Variants in TMC6 observed in about 807,000 individuals in gnomAD.
The protein encoded by TMC6 is transmembrane channel-like protein 6.
Under a neutral mutation model 95.4 loss-of-function variants are expected in TMC6, and 71 were observed. The ratio of observed to expected loss-of-function variants is 0.74; its 90% CI spans 0.61 to 0.91. The LOEUF is 0.91. Ranked by LOEUF, TMC6 falls within the 40% of genes least tolerant of loss-of-function variation. The pLI is 0.00. For synonymous variants in TMC6, 514 were observed against 483.1 expected (o/e 1.06, Z -0.84); for missense variants, 1,074 against 1,079.1 (o/e 1.00, Z 0.07).
At chr17:78,126,028 A>T in intron 4 of TMC6, 144 bp from the exon 5 acceptor site, 1 of 1,265,612 alleles carries the variant, frequency 7.9e-7, no homozygotes, top group Non-Finnish European at 1.1e-6. Context: ...GCACCACTGC[A>T]TTCCGAAAGC....
Position 78,122,820 on chromosome 17 carries a change from C to A in TMC6, c.1083-71G>T. 1 of 1,561,868 alleles carries A rather than the reference C, an allele frequency of 6.4e-7. No individual in the cohort carries two copies. The highest frequency in any genetic ancestry group is 8.6e-7 in the Non-Finnish European group (1 of 1,160,298). On this transcript the variant is annotated intron_variant, in intron 9 of 19. Transcript: ENST00000590602. This position sits in a 1 kb window ranked among gnomAD's most constrained non-coding sequence, Gnocchi z 4.9. Reference sequence around the variant, plus strand: ...CAGAGGCCAAGGGGAGAAGGCAGACCGGATGCTCTGGGCAGCCAGACCCCA... The same window carrying A: ...CAGAGGCCAAGGGGAGAAGGCAGACAGGATGCTCTGGGCAGCCAGACCCCA...
At position 78,125,770 on chromosome 17, in the gene TMC6, CGGA is replaced by C; in HGVS notation, c.383_385del (p.Leu128del). The stretch of plus-strand genomic sequence containing the variant: ...GGGGTCCAGCTCCAGGTCGTACAGG[CGGA>C]GGCTGGGCCAGGCGGAGCGGACAAA... On this transcript the variant is annotated inframe_deletion, in exon 5 of 20. Transcript: ENST00000590602. The C allele has an allele frequency of 6.4e-7, 1 of 1,567,406 alleles. No homozygotes were observed. Among genetic ancestry groups the C allele is most frequent in the East Asian group, 2.4e-5 (1 of 41,872 alleles).
At chr17:78,115,072 T>C (rs1408929931) in intron 18 of TMC6, among the ~76,000 whole-genome samples, 2 of 152,246 alleles carry the variant, frequency 1.3e-5, no homozygotes, top group African/African-American at 2.4e-5. Flanking sequence ...GCAGCCGAGA[T>C]GCCAGGCTTT....
chr17:78,131,417 C>G, upstream of TMC6: 1 of 893,674 alleles, frequency 1.1e-6, no homozygotes, highest in South Asian at 1.5e-5. Flanking sequence ...CAAGTGAACC[C>G]TAGGGCTGCA....
chr17:78,113,140 C>T lies in TMC6; in HGVS notation c.*8G>A. 1.3e-6 allele frequency: 2 copies of T among 1,552,664 alleles called. No individual in the cohort carries two copies. Among genetic ancestry groups the T allele is most frequent in the Non-Finnish European group, 8.7e-7 (1 of 1,147,710 alleles). On this transcript the variant is annotated 3_prime_UTR_variant, in exon 20 of 20. Coordinates refer to ENST00000590602, the MANE Select transcript of TMC6 (RefSeq NM_001127198.5). ...CTGGGCGGGCCCGTGAGGCCCATCG[C>T]CGTCCCCCTAGGCATCCTGTTCATC...
At position 78,112,684 on chromosome 17, in the gene TMC6, G is replaced by A. The variant is rs1055296810; in HGVS notation, c.*464C>T. 2 of 208,942 alleles carry A rather than the reference G, an allele frequency of 9.6e-6. No homozygotes were observed. Among genetic ancestry groups the A allele is most frequent in the Non-Finnish European group, 2.0e-5 (2 of 102,250 alleles). 12.9% of individuals were successfully genotyped at this position (208,942 alleles called of 1,614,324 possible). ...CTCTGGTCACAATCCGTGCCTGCTC[G>A]GCTCACTTGTGCAGGTGTAAGCCCC... On this transcript the variant is annotated 3_prime_UTR_variant, in exon 20 of 20. Coordinates refer to ENST00000590602, the MANE Select transcript of TMC6 (RefSeq NM_001127198.5).
In TMC6 at chr17:78,124,792, A is replaced by G; in HGVS notation, c.634-11T>C. 6.3e-7 allele frequency: 1 copy of G among 1,579,190 alleles called. No individual in the cohort carries two copies. The highest frequency in any genetic ancestry group is 2.3e-5 in the East Asian group (1 of 42,932). Reference sequence around the variant, plus strand: ...CAGGCTGTGCAAGGCCTGCGGGCACAGGCAGAGAGGCCCTGAGGGTGAGGC... The same window carrying G: ...CAGGCTGTGCAAGGCCTGCGGGCACGGGCAGAGAGGCCCTGAGGGTGAGGC... On this transcript the variant is annotated splice_polypyrimidine_tract_variant and intron_variant, in intron 7 of 19. Transcript: ENST00000590602.
At position 78,110,316 on chromosome 17, in the gene TMC6, C is replaced by G. The variant is rs2073800640; in HGVS notation, c.*2832G>C. The G allele has an allele frequency of 6.6e-6, 1 of 152,176 alleles. No homozygotes were observed. The allele number at this position is 152,176 out of a possible 1,614,324, so 9.4% of individuals were successfully genotyped here. On this transcript the variant is annotated 3_prime_UTR_variant, in exon 20 of 20. Transcript: ENST00000590602. Reference sequence around the variant, plus strand: ...TTGAGGTCAGGAGATCTTGACCAGCCTGACCATCATGGTGAAACCCCATCT... The same window carrying G: ...TTGAGGTCAGGAGATCTTGACCAGCGTGACCATCATGGTGAAACCCCATCT...
intron 18 of TMC6, among the ~76,000 whole-genome samples, chr17:78,115,389 C>G (rs1048202737): frequency 2.0e-5 from 3 of 152,176 alleles, no homozygotes; most frequent in Admixed American, 2.0e-4. Context: ...GAGTGAAAAC[C>G]TGCAGGAGGA....
At chr17:78,127,147 G>T in intron 1 of TMC6, 1 of 534,614 alleles carries the variant, frequency 1.9e-6, no homozygotes, top group Non-Finnish European at 3.4e-6. Context: ...GGGGTCTGCA[G>T]TTCCACATCT....
upstream of TMC6, among the ~76,000 whole-genome samples, chr17:78,129,215 C>T (rs1264521106): frequency 1.3e-5 from 2 of 151,688 alleles, no homozygotes; most frequent in South Asian, 2.1e-4. The surrounding 1 kb of genome is among the most constrained non-coding windows in gnomAD (Gnocchi z 4.3). Flanking sequence ...GGGCGGGGTT[C>T]ATTGTTTATC....
Position 78,117,523 on chromosome 17 carries a change from G to T in TMC6, c.2143C>A (p.His715Asn). ...AAGGTGTTTTCCATCAGGTACCGGT[G>T]CACCCAGGGCAGCCAGGAGACCCTG... Reference protein sequence around the residue: ...GPRVSWLPWVHRYLMENTFFV... With the variant: ...GPRVSWLPWVNRYLMENTFFV... Residue 715 changes from histidine (H) to asparagine (N), a missense_variant, in exon 17 of 20, where the codon CAC (histidine) becomes AAC (asparagine). By Grantham distance (68) the His-to-Asn change is moderately conservative (BLOSUM62 1). Transcript: ENST00000590602. 1 of 1,604,956 alleles carries T rather than the reference G, an allele frequency of 6.2e-7. No individual in the cohort carries two copies. Among genetic ancestry groups the T allele is most frequent in the Non-Finnish European group, 8.5e-7 (1 of 1,177,174 alleles).
rs1018107973 is a variant in TMC6, at chr17:78,113,000, C to G, written c.*148G>C. ...ATTGGGGATGCCCAAGCCGGATTCA[C>G]CCACCCTTCCAGCTCCAGCCTAGGC... is the stretch of plus-strand genomic sequence containing the variant. On this transcript the variant is annotated 3_prime_UTR_variant, in exon 20 of 20. Transcript: ENST00000590602. 3.4e-6 allele frequency: 3 copies of G among 874,392 alleles called. No homozygotes were observed. The highest frequency in any genetic ancestry group is 5.3e-5 in the East Asian group (2 of 37,868). 54.2% of individuals were successfully genotyped at this position (874,392 alleles called of 1,614,324 possible).
chr17:78,131,881 G>A, upstream of TMC6: 1 of 1,457,882 alleles, frequency 6.9e-7, no homozygotes, highest in Non-Finnish European at 9.0e-7. Context: ...CCCCCGTCCA[G>A]GCAGCTGCGG....
In TMC6 at chr17:78,124,977, C is replaced by T. The variant is rs2074627498; in HGVS notation, c.545G>A (p.Ser182Asn). ...CCTCCACTTCCCCCTCGGGGTCCTG[C>T]TCTTCTCTCTGGGGACAGAGGCAGC... is the stretch of plus-strand genomic sequence containing the variant. ...LAEKRSLREK[S>N]RTPRGKWRGQ... The change falls in exon 7 of 20, where the codon AGC (serine) becomes AAC (asparagine). Residue 182 changes from serine to asparagine, a missense_variant. Physicochemically the swap from Ser to Asn is conservative, Grantham distance 46. Coordinates refer to ENST00000590602, the MANE Select transcript of TMC6 (RefSeq NM_001127198.5). 1 of 1,589,708 alleles carries T rather than the reference C, an allele frequency of 6.3e-7. No individual in the cohort carries two copies. Among genetic ancestry groups the T allele is most frequent in the Non-Finnish European group, 8.5e-7 (1 of 1,170,894 alleles).
rs372119861 is a variant in TMC6, at chr17:78,124,690, C to A, written c.725G>T (p.Gly242Val). Residue 242 changes from glycine to valine, a missense_variant, in exon 8 of 20, where the codon GGC becomes GTC. Coordinates refer to ENST00000590602, the MANE Select transcript of TMC6 (RefSeq NM_001127198.5). Reference protein sequence around the residue: ...YALKRIGGQFGSSVLSYFLFL... With the variant: ...YALKRIGGQFVSSVLSYFLFL... ...GAGGAAGTAGGAGAGCACGCTGGAG[C>A]CGAACTGGCCCCCGATGCGCTTCAG... 6.2e-7 allele frequency: 1 copy of A among 1,603,440 alleles called. No homozygotes were observed. The highest frequency in any genetic ancestry group is 8.5e-7 in the Non-Finnish European group (1 of 1,175,440).
upstream of TMC6, chr17:78,131,840 G>A: frequency 6.8e-7 from 1 of 1,481,358 alleles, no homozygotes; most frequent in South Asian, 1.3e-5. Context: ...GGGTGGGCAG[G>A]GCGGGTGACT....
upstream of TMC6, chr17:78,131,509 C>A: frequency 6.6e-7 from 1 of 1,523,810 alleles, no homozygotes; most frequent in Non-Finnish European, 8.8e-7. Context: ...ATAGCCAAGG[C>A]CTTAAGGCTC....
Position 78,126,620 on chromosome 17 carries a change from C to T in TMC6, c.85G>A (p.Glu29Lys), listed in dbSNP as rs1243163785. 11 of 1,613,568 alleles carry T rather than the reference C, an allele frequency of 6.8e-6. No individual in the cohort carries two copies. The highest frequency in any genetic ancestry group is 2.2e-5 in the South Asian group (2 of 91,086). The change falls in exon 3 of 20, where the codon GAA (glutamate) becomes AAA (lysine). Residue 29 changes from glutamate (E) to lysine (K), a missense_variant. Transcript: ENST00000590602. ...AGCTGCTGGAAGGAGTCGTGCACTT[C>T]GCTTTCATCATAGGGGCTGGGGCCC... The part of the protein sequence containing the change: ...GQGPSPYDES[E>K]VHDSFQQLIQ...
Sources: gnomAD v4.1 joint callset for allele counts (sites outside exome capture counted in the v4.1 genomes callset) on GRCh38, gnomAD v4.1.1 for gene constraint, Gnocchi (gnomAD v3.1) non-coding constraint, MANE v1.5 for transcripts, NCBI Gene and HGNC (gene_info 2026-07-23, HGNC 2026-07-21) for gene names.